SUMF1: variants seen among roughly 807,000 people sequenced by gnomAD.
SUMF1 encodes formylglycine-generating enzyme.
Under a neutral mutation model 47.6 loss-of-function variants are expected in SUMF1, and 48 were observed. That is an observed-to-expected ratio of 1.01 (90% CI 0.80 to 1.28). SUMF1 has a LOEUF of 1.28. SUMF1 is among the 50% of genes most tolerant of loss of function. The pLI is 0.00. For missense variants in SUMF1, 571 were observed against 485.4 expected, an observed-to-expected ratio of 1.18 and a Z score of -1.66; for synonymous variants, 230 against 192.1, an observed-to-expected ratio of 1.20 and a Z score of -1.63.
At chr3:4,330,921 A>G (rs1220696031) in intron 8 of SUMF1, among the ~76,000 whole-genome samples, 4 of 152,218 alleles carry the variant, frequency 2.6e-5, no homozygotes, top group African/African-American at 7.2e-5. Context: ...GTTTTCTATT[A>G]AAGAACAAAT....
chr3:4,362,642 C>A (rs1338475512), intron 8 of SUMF1, among the ~76,000 whole-genome samples: 1 of 152,120 alleles, frequency 6.6e-6, no homozygotes, highest in Non-Finnish European at 1.5e-5. Flanking sequence ...TTAAATGAGG[C>A]CAGGCGCACT....
chr3:4,210,729 CTGAG>C (rs1244689753), intron 8 of SUMF1, among the ~76,000 whole-genome samples: 1 of 152,012 alleles, frequency 6.6e-6, no homozygotes, highest in Non-Finnish European at 1.5e-5. Flanking sequence ...ATGGTTAACA[CTGAG>C]TGTCAACTGG....
intron 3 of SUMF1, among the ~76,000 whole-genome samples, chr3:4,448,307 T>G (rs1051939558): frequency 6.6e-6 from 1 of 152,166 alleles, no homozygotes; most frequent in African/African-American, 2.4e-5. Flanking sequence ...ACTGCACTGC[T>G]GCTCACGAGA....
chr3:4,380,402 T>C (rs1700466880), intron 7 of SUMF1, among the ~76,000 whole-genome samples: 2 of 152,074 alleles, frequency 1.3e-5, no homozygotes, highest in African/African-American at 4.8e-5. Flanking sequence ...AAGAGAACAA[T>C]AGACACTGGG....
At chr3:4,354,698 CTT>C (rs1699580292) in intron 8 of SUMF1, among the ~76,000 whole-genome samples, 1 of 152,106 alleles carries the variant, frequency 6.6e-6, no homozygotes, top group African/African-American at 2.4e-5. Context: ...CTTTCTTACT[CTT>C]AGCCCATTTT....
intron 7 of SUMF1, among the ~76,000 whole-genome samples, chr3:4,393,847 A>G (rs959957943): frequency 7.2e-5 from 11 of 151,972 alleles, no homozygotes; most frequent in Admixed American, 1.3e-4. Flanking sequence ...TTTTTTCTTT[A>G]CAATTTTGTT....
chr3:4,439,640 T>C (rs1702513707), intron 3 of SUMF1, among the ~76,000 whole-genome samples: 2 of 151,986 alleles, frequency 1.3e-5, no homozygotes, highest in Non-Finnish European at 2.9e-5. Flanking sequence ...CTTTTCCAAA[T>C]AAACAAGTGG....
At chr3:4,378,807 T>C (rs1700407906) in intron 7 of SUMF1, among the ~76,000 whole-genome samples, 1 of 152,232 alleles carries the variant, frequency 6.6e-6, no homozygotes. Flanking sequence ...TCTGTTACAA[T>C]GTATCAAATT....
intron 8 of SUMF1, among the ~76,000 whole-genome samples, chr3:4,280,641 C>A (rs933798852): frequency 6.6e-6 from 1 of 152,144 alleles, no homozygotes; most frequent in Non-Finnish European, 1.5e-5. Flanking sequence ...GTTTAAACAA[C>A]AGAAATTTAC....
chr3:4,241,040 A>G (rs2124996590), intron 8 of SUMF1, among the ~76,000 whole-genome samples: 1 of 152,264 alleles, frequency 6.6e-6, no homozygotes, highest in East Asian at 1.9e-4. Context: ...TAGAAAGCAC[A>G]TTTATATCAG....
At chr3:4,269,853 A>C (rs189500192) in intron 8 of SUMF1, among the ~76,000 whole-genome samples, 1 of 152,172 alleles carries the variant, frequency 6.6e-6, no homozygotes, top group African/African-American at 2.4e-5. Context: ...ACAGACTAGA[A>C]AATGTAGGGT....
chr3:4,362,964 G>A (rs187537726), intron 8 of SUMF1, among the ~76,000 whole-genome samples: 2 of 152,204 alleles, frequency 1.3e-5, no homozygotes, highest in African/African-American at 2.4e-5. Flanking sequence ...ATATAAAGGT[G>A]TATATGTGGT....
chr3:4,280,544 T>C (rs1697507016), intron 8 of SUMF1, among the ~76,000 whole-genome samples: 1 of 151,886 alleles, frequency 6.6e-6, no homozygotes, highest in Non-Finnish European at 1.5e-5. Context: ...GAAGGCTTTA[T>C]AGAGAAGGTA....
Position 4,253,518 on chromosome 3 carries a change from C to T in SUMF1, c.1014+122812G>A, listed in dbSNP as rs62258109. 6.6e-3 allele frequency among the ~76,000 whole-genome samples: 1,009 copies of T among 151,850 alleles called. 3 individuals are homozygous for T. The highest frequency in any genetic ancestry group is 0.01 in the Non-Finnish European group (710 of 67,944). On this transcript the variant is annotated intron_variant and NMD_transcript_variant, in intron 8 of 12. Transcript: ENST00000448413. ...GGGGTGACGGACGCACCTGGAAAAT[C>T]GGGTCACTCCCACCTGAATATTGCG... is the stretch of plus-strand genomic sequence containing the variant.
chr3:4,349,852 G>A (rs541901459), intron 8 of SUMF1, among the ~76,000 whole-genome samples: 19 of 152,108 alleles, frequency 1.2e-4, no homozygotes, highest in African/African-American at 4.6e-4. Context: ...GAGGTGAAGG[G>A]AAGGAAGTTG....
chr3:4,084,076 A>G (rs115153720), intron 8 of SUMF1, among the ~76,000 whole-genome samples: 161 of 152,256 alleles, frequency 1.1e-3, no homozygotes, highest in African/African-American at 3.6e-3. Flanking sequence ...CTTTTTAAAT[A>G]GATATAATTC....
chr3:4,161,024 T>C lies in SUMF1; in HGVS notation c.1015-92279A>G, dbSNP rs1449873022. Among the ~76,000 whole-genome samples the C allele has an allele frequency of 2.6e-5, 4 of 152,176 alleles. No individual in the cohort carries two copies. The East Asian group carries it at 5.8e-4, about 22-fold the overall frequency. ...GTATTGTGATCTAAATTTTTAGTCA[T>C]TGCAGCTGTATCTGCTTCAGGGAAC... On this transcript the variant is annotated intron_variant and NMD_transcript_variant, in intron 8 of 12. Coordinates refer to the SUMF1 transcript ENST00000448413.
intron 7 of SUMF1, among the ~76,000 whole-genome samples, chr3:4,392,134 C>A (rs1371420714): frequency 6.6e-6 from 1 of 152,136 alleles, no homozygotes; most frequent in African/African-American, 2.4e-5. Context: ...GTCCTGGATA[C>A]TTTCTCTTGA....
At chr3:4,153,536 T>TA (rs1694385843) in intron 8 of SUMF1, among the ~76,000 whole-genome samples, 1 of 148,682 alleles carries the variant, frequency 6.7e-6, no homozygotes, top group Non-Finnish European at 1.5e-5. Flanking sequence ...TTTTTTTTTT[T>TA]ACTGTATTTC....
Sources: allele counts gnomAD v4.1 joint callset (sites outside exome capture counted in the v4.1 genomes callset), GRCh38; gene constraint gnomAD v4.1.1; transcripts MANE v1.5; gene names NCBI Gene and HGNC (gene_info 2026-07-23, HGNC 2026-07-21).